Variants in RIMS2 observed in about 807,000 individuals in gnomAD.
RIMS2 encodes the protein regulating synaptic membrane exocytosis 2.
A neutral mutation model predicts 174.4 loss-of-function variants in RIMS2; 59 were observed. The observed-to-expected ratio is 0.34, with a 90% CI of 0.27 to 0.42. The LOEUF (loss-of-function observed/expected upper bound fraction) is 0.42. Ranked by LOEUF, RIMS2 falls within the 10% of genes least tolerant of loss-of-function variation. The probability of loss-of-function intolerance (pLI) is 1.00; values close to 1 mark genes in which losing one functional copy is unlikely to be tolerated. For missense variants in RIMS2, 1,620 were observed against 1,666.3 expected (o/e 0.97, Z 0.48); for synonymous variants, 606 against 572.5 (o/e 1.06, Z -0.84).
intron 2 of RIMS2, among the ~76,000 whole-genome samples, chr8:103,742,526 A>T (rs905302190): frequency 3.3e-5 from 5 of 152,136 alleles, no homozygotes; most frequent in Admixed American, 2.0e-4. Flanking sequence ...TTACCAGGCA[A>T]CATCCTTTTA....
chr8:103,591,911 G>A (rs10086977), intron 1 of RIMS2, among the ~76,000 whole-genome samples: 3 of 151,098 alleles, frequency 2.0e-5, no homozygotes, highest in African/African-American at 7.3e-5. Context: ...AGTTAAGAAA[G>A]AATCAGCTAG....
At chr8:104,129,500 G>A (rs1249430449) in intron 19 of RIMS2, among the ~76,000 whole-genome samples, 1 of 152,328 alleles carries the variant, frequency 6.6e-6, no homozygotes, top group South Asian at 2.1e-4. Flanking sequence ...TGTGGTTCCT[G>A]GAAGATGGAA....
intron 4 of RIMS2, among the ~76,000 whole-genome samples, chr8:103,897,733 C>T (rs1226426612): frequency 1.3e-5 from 2 of 151,684 alleles, no homozygotes; most frequent in Non-Finnish European, 2.9e-5. Flanking sequence ...CTGCAGACTA[C>T]ATGGCCTTGT....
intron 1 of RIMS2, among the ~76,000 whole-genome samples, chr8:103,608,535 C>CGATG (rs1554676332): frequency 7.7e-6 from 1 of 130,330 alleles, no homozygotes; most frequent in Non-Finnish European, 1.7e-5. Context: ...TCGAGCTTCC[C>CGATG]GCTGCTTTGT....
intron 1 of RIMS2, among the ~76,000 whole-genome samples, chr8:103,667,680 G>T (rs892670671): frequency 6.6e-6 from 1 of 152,188 alleles, no homozygotes; most frequent in African/African-American, 2.4e-5. Context: ...GCTCATAGAG[G>T]TATAAGCAAG....
At chr8:104,001,484 A>C (rs2095386721) in intron 17 of RIMS2, among the ~76,000 whole-genome samples, 1 of 152,004 alleles carries the variant, frequency 6.6e-6, no homozygotes, top group South Asian at 2.1e-4. Flanking sequence ...TCTACCACCC[A>C]AACCAAGAAC....
chr8:103,984,029 G>A (rs1408514505), intron 16 of RIMS2, among the ~76,000 whole-genome samples: 1 of 151,936 alleles, frequency 6.6e-6, no homozygotes, highest in African/African-American at 2.4e-5. Context: ...AAAAAAAATA[G>A]CAGGCGTGGT....
intron 1 of RIMS2, among the ~76,000 whole-genome samples, chr8:103,647,427 T>C (rs902491784): frequency 6.6e-6 from 1 of 152,178 alleles, no homozygotes; most frequent in Non-Finnish European, 1.5e-5. Context: ...ATCAGTATGA[T>C]GTTGACCTCA....
chr8:103,520,141 T>C (rs559076037), intron 1 of RIMS2, among the ~76,000 whole-genome samples: 2 of 152,258 alleles, frequency 1.3e-5, no homozygotes, highest in East Asian at 3.9e-4. Flanking sequence ...CTCTGTCTCT[T>C]TATCTATAAA....
chr8:103,573,484 C>G (rs1308174447), intron 1 of RIMS2, among the ~76,000 whole-genome samples: 1 of 152,108 alleles, frequency 6.6e-6, no homozygotes, highest in Non-Finnish European at 1.5e-5. Context: ...GGTATACTTT[C>G]TCCATTGTTT....
chr8:104,082,800 T>G (rs1016684892), intron 19 of RIMS2, among the ~76,000 whole-genome samples: 3 of 152,068 alleles, frequency 2.0e-5, no homozygotes, highest in Non-Finnish European at 4.4e-5. Flanking sequence ...GTATTACTTA[T>G]GTTCTATATT....
intron 2 of RIMS2, among the ~76,000 whole-genome samples, chr8:103,701,809 C>T (rs1433051019): frequency 6.6e-6 from 1 of 151,980 alleles, no homozygotes; most frequent in East Asian, 1.9e-4. Context: ...TGTATATATA[C>T]AACATTTTAG....
intron 3 of RIMS2, among the ~76,000 whole-genome samples, chr8:103,879,642 GAGGTGAATACCTATAC>G (rs2099158008): frequency 1.3e-5 from 2 of 151,556 alleles, no homozygotes; most frequent in Admixed American, 1.3e-4. Flanking sequence ...TAAAATGATA[GAGGTGAATACCTATAC>G]AAATAGTGGA....
At position 103,587,409 on chromosome 8, in the gene RIMS2, G is replaced by GAGAAAGA. The variant is rs370330667; in HGVS notation, c.176+86348_176+86349insGAAAGAA. On this transcript the variant is annotated intron_variant, in intron 1 of 23. Transcript: ENST00000504942. ...CCAAAGACACATCAGGAAGAAAAAAGAAGAAAGAAAGAAAGAAAGAAAGAA... is the reference window on the plus strand; with the variant it reads ...CCAAAGACACATCAGGAAGAAAAAAGAGAAAGAAAGAAAGAAAGAAAGAAAGAAAGAA... 2.6e-5 allele frequency among the ~76,000 whole-genome samples: 3 copies of GAGAAAGA among 117,148 alleles called. No homozygotes were observed. The East Asian group carries it at 7.5e-4, about 29-fold the overall frequency. 76.9% of individuals were successfully genotyped at this position (117,148 alleles called of 152,430 possible). A position where few individuals can be genotyped will look rare whatever the true frequency, so the allele number is the denominator to read the frequency against.
chr8:103,946,601 G>A (rs1352323901), intron 14 of RIMS2, among the ~76,000 whole-genome samples: 1 of 152,150 alleles, frequency 6.6e-6, no homozygotes, highest in African/African-American at 2.4e-5. Context: ...ACATTGTTCA[G>A]AGAAATGAAA....
chr8:103,863,970 G>A (rs1249586070), intron 3 of RIMS2, among the ~76,000 whole-genome samples: 2 of 150,330 alleles, frequency 1.3e-5, no homozygotes, highest in Non-Finnish European at 1.5e-5. Context: ...GTGCGGTGGC[G>A]CGACCTTGGC....
At chr8:103,879,148 G>T (rs2099155800) in intron 3 of RIMS2, among the ~76,000 whole-genome samples, 1 of 151,620 alleles carries the variant, frequency 6.6e-6, no homozygotes, top group African/African-American at 2.4e-5. Flanking sequence ...AGAAAGATCA[G>T]TAGAGAGTGA....
chr8:103,794,737 G>GA (rs1378693354), intron 3 of RIMS2, among the ~76,000 whole-genome samples: 1 of 151,962 alleles, frequency 6.6e-6, no homozygotes, highest in Non-Finnish European at 1.5e-5. Flanking sequence ...AAATTTACAA[G>GA]AAAAAAATCA....
intron 4 of RIMS2, among the ~76,000 whole-genome samples, chr8:103,909,467 A>G: frequency 6.6e-6 from 1 of 152,118 alleles, no homozygotes; most frequent in East Asian, 1.9e-4. Context: ...AAAATGTGGA[A>G]AAATTATTTC....
Sources: gnomAD v4.1 joint callset for allele counts (sites outside exome capture counted in the v4.1 genomes callset) on GRCh38, gnomAD v4.1.1 for gene constraint, MANE v1.5 for transcripts, NCBI Gene and HGNC (gene_info 2026-07-23, HGNC 2026-07-21) for gene names.